LIAT1: variants seen among roughly 807,000 people sequenced by gnomAD.
The protein encoded by LIAT1 is protein LIAT1.
At chr17:410,787 C>G in the LIAT1 span, 3 of 733,946 alleles carry the variant, frequency 4.1e-6, no homozygotes, top group Non-Finnish European at 6.6e-6. Flanking sequence ...CACACATGCC[C>G]GTCAGCAGCA....
chr17:410,425 G>A, the LIAT1 span: 21 of 1,536,968 alleles, frequency 1.4e-5, no homozygotes, highest in South Asian at 2.4e-5. Context: ...CCCCCGGGGC[G>A]GGTTGGGTTG....
the LIAT1 span, among the ~76,000 whole-genome samples, chr17:412,765 G>T: frequency 1.3e-5 from 2 of 152,164 alleles, no homozygotes; most frequent in African/African-American, 4.8e-5. Flanking sequence ...GGATGGATGA[G>T]GGCAGCACGG....
At chr17:411,417 C>T in the LIAT1 span, among the ~76,000 whole-genome samples, 2 of 152,190 alleles carry the variant, frequency 1.3e-5, no homozygotes, top group African/African-American at 4.8e-5. Flanking sequence ...ACCTGTAATC[C>T]GAGCACTTTG....
chr17:410,605 A>G, the LIAT1 span: 4 of 1,544,858 alleles, frequency 2.6e-6, no homozygotes, highest in Admixed American at 5.9e-5. Context: ...GTGAAGAAGA[A>G]AAAAAGGAAG....
chr17:413,136 T>A, the LIAT1 span: 1 of 1,612,588 alleles, frequency 6.2e-7, no homozygotes, highest in Non-Finnish European at 8.5e-7. Context: ...AACCTGCTCA[T>A]CTACTCAGCA....
the LIAT1 span, chr17:410,571 G>A: frequency 7.1e-6 from 11 of 1,546,694 alleles, no homozygotes; most frequent in Non-Finnish European, 9.6e-6. Flanking sequence ...CACAGGCGGC[G>A]CCTCCGAGCT....
chr17:411,040 G>T, the LIAT1 span, among the ~76,000 whole-genome samples: 2 of 152,102 alleles, frequency 1.3e-5, no homozygotes, highest in African/African-American at 4.8e-5. Flanking sequence ...CACATGAAAG[G>T]CCCTCACTCT....
chr17:412,735 C>A, the LIAT1 span, among the ~76,000 whole-genome samples: 1 of 152,164 alleles, frequency 6.6e-6, no homozygotes. Flanking sequence ...CTGGGAATGG[C>A]CGTGGTGAGC....
the LIAT1 span, chr17:410,397 G>A: frequency 1.3e-6 from 2 of 1,525,052 alleles, no homozygotes; most frequent in East Asian, 2.5e-5. Flanking sequence ...CCGATTAGTC[G>A]GCATCGGGCC....
chr17:410,864 A>G, the LIAT1 span, among the ~76,000 whole-genome samples: 509 of 152,220 alleles, frequency 3.3e-3, 2 homozygotes, highest in Non-Finnish European at 5.9e-3. Flanking sequence ...CCCCACACAG[A>G]GACCCCTACA....
chr17:413,034 T>A, the LIAT1 span: 1 of 1,252,096 alleles, frequency 8.0e-7, no homozygotes, highest in South Asian at 1.5e-5. Flanking sequence ...GCCTGAGCCC[T>A]GGGTACGGAG....
the LIAT1 span, chr17:414,269 C>T: frequency 3.2e-6 from 3 of 934,920 alleles, no homozygotes; most frequent in South Asian, 4.9e-5. This position sits in a 1 kb window ranked among gnomAD's most constrained non-coding sequence, Gnocchi z 4.1. Flanking sequence ...CCAAGCTGCC[C>T]TCGGTTGCCC....
chr17:410,591 G>T, the LIAT1 span: 1 of 1,545,792 alleles, frequency 6.5e-7, no homozygotes, highest in African/African-American at 1.4e-5. Context: ...TGGCCAAACG[G>T]AAGGTGAAGA....
chr17:413,403 G>A, the LIAT1 span: 25 of 1,614,112 alleles, frequency 1.5e-5, no homozygotes, highest in Admixed American at 8.3e-5. Context: ...GAAAGGATTC[G>A]CATCTATAAA....
At chr17:414,136 C>G in the LIAT1 span, 16 of 1,602,920 alleles carry the variant, frequency 1.0e-5, no homozygotes, top group South Asian at 1.8e-4. This position sits in a 1 kb window ranked among gnomAD's most constrained non-coding sequence, Gnocchi z 4.1. Flanking sequence ...ACGACGCTCA[C>G]AAACTTATAA....
At chr17:411,435 G>A in the LIAT1 span, among the ~76,000 whole-genome samples, 10 of 152,164 alleles carry the variant, frequency 6.6e-5, no homozygotes, top group African/African-American at 2.4e-4. Context: ...TTGGGAGGCC[G>A]AGGTGGGAGG....
the LIAT1 span, chr17:414,040 C>T: frequency 6.2e-7 from 1 of 1,614,228 alleles, no homozygotes; most frequent in South Asian, 1.1e-5. This position sits in a 1 kb window ranked among gnomAD's most constrained non-coding sequence, Gnocchi z 4.1. Flanking sequence ...AAGCCGAGTG[C>T]CCCAATCTCT....
the LIAT1 span, among the ~76,000 whole-genome samples, chr17:411,323 C>T: frequency 1.3e-5 from 2 of 152,146 alleles, no homozygotes; most frequent in Non-Finnish European, 2.9e-5. Context: ...AACTAAAGGG[C>T]GGGGGACACC....
chr17:411,964 G>A, the LIAT1 span, among the ~76,000 whole-genome samples: 8 of 152,188 alleles, frequency 5.3e-5, no homozygotes, highest in Admixed American at 3.3e-4. Flanking sequence ...GAGGCAGAGT[G>A]GCAGCCTCGC....
Sources: gnomAD v4.1 joint callset for allele counts (sites outside exome capture counted in the v4.1 genomes callset) on GRCh38, gnomAD v4.1.1 for gene constraint, Gnocchi (gnomAD v3.1) non-coding constraint, MANE v1.5 for transcripts, NCBI Gene and HGNC (gene_info 2026-07-23, HGNC 2026-07-21) for gene names.